Variants in KCTD21 observed in about 807,000 individuals in gnomAD.
KCTD21 encodes BTB/POZ domain-containing protein KCTD21.
KCTD21 carries 9 observed loss-of-function variants against 13.2 expected under a neutral mutation model. The observed-to-expected ratio is 0.68, with a 90% CI of 0.41 to 1.19. KCTD21 has a LOEUF of 1.19. Among genes scored for constraint, KCTD21 ranks in the 50% most tolerant of loss-of-function variants. KCTD21 has a pLI of 0.01. For missense variants in KCTD21, 303 were observed against 336.5 expected (o/e 0.90, Z 0.78); for synonymous variants, 142 against 137.4 (o/e 1.03, Z -0.23).
At chr11:78,187,597 T>G in intron 1 of KCTD21, 1 of 985,402 alleles carries the variant, frequency 1.0e-6, no homozygotes, top group Non-Finnish European at 1.2e-6. Flanking sequence ...ACCTTGTGCT[T>G]TTCCTCCGGC....
intron 1 of KCTD21, among the ~76,000 whole-genome samples, chr11:78,181,726 A>C (rs1862626376): frequency 6.6e-6 from 1 of 152,136 alleles, no homozygotes; most frequent in African/African-American, 2.4e-5. Flanking sequence ...CAGGAGGGTC[A>C]CTTGAGCCCA....
At chr11:78,187,385 G>A (rs973469919) in intron 1 of KCTD21, 4 of 985,266 alleles carry the variant, frequency 4.1e-6, no homozygotes, top group African/African-American at 3.5e-5. Flanking sequence ...AGGGAGGAGA[G>A]AAAAGGTGCT....
At chr11:78,182,624 T>C (rs519640) in intron 1 of KCTD21, among the ~76,000 whole-genome samples, 24,907 of 152,124 alleles carry the variant, frequency 0.16, 2,193 homozygotes, top group African/African-American at 0.21. Flanking sequence ...CAGGACCGAT[T>C]ACATTGTCTT....
At position 78,172,432 on chromosome 11, in the gene KCTD21, G is replaced by A. The variant is rs527462; in HGVS notation, c.*1340C>T. The A allele has an allele frequency of 0.2, 30,391 of 152,124 alleles. 5,832 individuals carry two copies. Among genetic ancestry groups the A allele is most frequent in the African/African-American group, 0.51 (21,031 of 41,418 alleles). The allele number at this position is 152,124 out of a possible 1,614,324, so 9.4% of individuals were successfully genotyped here. A position where few individuals can be genotyped will look rare whatever the true frequency, so the allele number is the denominator to read the frequency against. Reference sequence around the variant, plus strand: ...AGGGGCCGTGAATCTTCCTCTTCCAGCAGAAAATGGTCGAAAGGTATATGG... The same window carrying A: ...AGGGGCCGTGAATCTTCCTCTTCCAACAGAAAATGGTCGAAAGGTATATGG... On this transcript the variant is annotated 3_prime_UTR_variant, in exon 2 of 2. Transcript: ENST00000340067.
chr11:78,185,780 C>T (rs575372182), intron 1 of KCTD21, among the ~76,000 whole-genome samples: 1 of 151,902 alleles, frequency 6.6e-6, no homozygotes, highest in East Asian at 2.0e-4. Flanking sequence ...TTAGTAGAGA[C>T]GGGGTTTCAC....
chr11:78,179,426 CT>C (rs1335539808), intron 1 of KCTD21, among the ~76,000 whole-genome samples: 1 of 152,020 alleles, frequency 6.6e-6, no homozygotes, highest in Non-Finnish European at 1.5e-5. Flanking sequence ...TCCTCTGCCC[CT>C]AACTCTGCTG....
At chr11:78,187,153 C>T (rs931119146) in intron 1 of KCTD21, 1 of 985,300 alleles carries the variant, frequency 1.0e-6, no homozygotes, top group Non-Finnish European at 1.2e-6. Context: ...TCAAAAAAGA[C>T]AATGCTCAGA....
At chr11:78,186,436 A>T (rs763820114) in intron 1 of KCTD21, among the ~76,000 whole-genome samples, 97 of 137,966 alleles carry the variant, frequency 7.0e-4, no homozygotes, top group Non-Finnish European at 1.2e-3. Flanking sequence ...TGTGTGGGGT[A>T]GGGGCAGACC....
At chr11:78,187,474 G>C in intron 1 of KCTD21, 1 of 985,368 alleles carries the variant, frequency 1.0e-6, no homozygotes, top group Non-Finnish European at 1.2e-6. Context: ...GGAGACCACG[G>C]AATCTGGCAC....
intron 1 of KCTD21, among the ~76,000 whole-genome samples, chr11:78,186,437 G>T (rs1340207297): frequency 1.3e-5 from 2 of 149,156 alleles, no homozygotes; most frequent in East Asian, 3.9e-4. Flanking sequence ...GTGTGGGGTA[G>T]GGGCAGACCA....
intron 1 of KCTD21, among the ~76,000 whole-genome samples, chr11:78,183,784 C>T (rs945857136): frequency 2.0e-5 from 3 of 151,530 alleles, no homozygotes; most frequent in Non-Finnish European, 1.5e-5. Flanking sequence ...TACAGGCGCC[C>T]GCCACCTCGC....
intron 1 of KCTD21, among the ~76,000 whole-genome samples, chr11:78,183,931 G>A (rs544196460): frequency 2.6e-5 from 4 of 152,128 alleles, no homozygotes; most frequent in East Asian, 1.9e-4. Context: ...CACCGCACCC[G>A]GCCAGGAAAA....
chr11:78,183,302 G>A (rs986882149), intron 1 of KCTD21, among the ~76,000 whole-genome samples: 4 of 152,110 alleles, frequency 2.6e-5, no homozygotes, highest in South Asian at 2.1e-4. Flanking sequence ...TTGGGAGGCC[G>A]AGGCGGGCGG....
chr11:78,187,472 C>T, intron 1 of KCTD21: 1 of 985,408 alleles, frequency 1.0e-6, no homozygotes, highest in Non-Finnish European at 1.2e-6. Context: ...AAGGAGACCA[C>T]GGAATCTGGC....
rs747863144 is a variant in KCTD21 at position 78,173,928 on chromosome 11, C to T, written c.627G>A (p.Trp209Ter). ...EYTKQNLKRL[W>*]VVPANKQINS... ...TGATCTGCTTGTTGGCGGGCACCAC[C>T]CAGAGCCTCTTGAGGTTCTGCTTGG... Residue 209 changes from tryptophan to a stop codon, truncating the protein, a stop_gained, in exon 2 of 2, where the codon TGG becomes TGA. Coordinates refer to ENST00000340067, the MANE Select transcript of KCTD21 (RefSeq NM_001029859.3). LOFTEE classifies it high-confidence loss of function. 9 of 1,614,024 alleles carry T rather than the reference C, an allele frequency of 5.6e-6. No homozygotes were observed. Among genetic ancestry groups the T allele is most frequent in the African/African-American group, 1.3e-5 (1 of 74,908 alleles).
chr11:78,186,950 A>C, intron 1 of KCTD21: 1 of 985,480 alleles, frequency 1.0e-6, no homozygotes, highest in Non-Finnish European at 1.2e-6. Flanking sequence ...GAAGAGGAAG[A>C]AATTTCTCTC....
At chr11:78,187,349 G>T in intron 1 of KCTD21, 1 of 985,352 alleles carries the variant, frequency 1.0e-6, no homozygotes, top group Non-Finnish European at 1.2e-6. Flanking sequence ...AAATCCGAAG[G>T]CTGCTCTATT....
intron 1 of KCTD21, among the ~76,000 whole-genome samples, chr11:78,184,682 G>A (rs1862721854): frequency 6.6e-6 from 1 of 152,098 alleles, no homozygotes. Context: ...ATAATAGGAT[G>A]CAATATGTAC....
In KCTD21 at chr11:78,188,585, C is replaced by T; in HGVS notation, c.-42G>A. 1.0e-6 allele frequency: 1 copy of T among 985,598 alleles called. No individual in the cohort carries two copies. The highest frequency in any genetic ancestry group is 1.2e-6 in the Non-Finnish European group (1 of 830,102). The allele number at this position is 985,598 out of a possible 1,614,324, so 61.1% of individuals were successfully genotyped here. A position where few individuals can be genotyped will look rare whatever the true frequency, so the allele number is the denominator to read the frequency against. On this transcript the variant is annotated 5_prime_UTR_variant, in exon 1 of 2. Coordinates refer to ENST00000340067, the MANE Select transcript of KCTD21 (RefSeq NM_001029859.3). ...GTGCCGCACCCACCTCCTGCCCTCG[C>T]TCTGCAGCCTCTCCCTCCGCGAGCG...
Sources: allele counts gnomAD v4.1 joint callset (sites outside exome capture counted in the v4.1 genomes callset), GRCh38; gene constraint gnomAD v4.1.1; transcripts MANE v1.5; gene names NCBI Gene and HGNC (gene_info 2026-07-23, HGNC 2026-07-21).